The following SLC5A3 variants were observed in gnomAD, a reference collection of about 807,000 sequenced individuals.
SLC5A3 encodes the protein sodium/myo-inositol cotransporter.
A neutral mutation model predicts 43.2 loss-of-function variants in SLC5A3; 10 were observed. The observed-to-expected ratio is 0.23, with a 90% CI of 0.14 to 0.39. The LOEUF (loss-of-function observed/expected upper bound fraction) is 0.39. SLC5A3 is among the 10% of genes least tolerant of loss of function. The pLI, the probability that SLC5A3 is intolerant of heterozygous loss-of-function variation, is 1.00. For missense variants in SLC5A3, 608 were observed against 893.4 expected (o/e 0.68, Z 4.07); for synonymous variants, 349 against 322.0 (o/e 1.08, Z -0.90).
intron 1 of SLC5A3, among the ~76,000 whole-genome samples, chr21:34,078,918 T>A (rs1989395455): frequency 6.6e-6 from 1 of 152,254 alleles, no homozygotes. Context: ...AGGCAATATT[T>A]TTAAGACGTG....
In SLC5A3 at chr21:34,100,877, C is replaced by T. The variant is rs2148661308; in HGVS notation, c.*3522C>T. The T allele has an allele frequency of 3.0e-6, 3 of 1,000,128 alleles. No homozygotes were observed. Among genetic ancestry groups the T allele is most frequent in the Middle Eastern group, 1.0e-3 (2 of 1,916 alleles). The allele number at this position is 1,000,128 out of a possible 1,614,324, so 62.0% of individuals were successfully genotyped here. On this transcript the variant is annotated 3_prime_UTR_variant, in exon 2 of 2. Transcript: ENST00000381151. Reference sequence around the variant, plus strand: ...ACCAAATAAAGCGGCTTATTAGCTACTCAGTTACTTGCTACTCAAAGGTTA... The same window carrying T: ...ACCAAATAAAGCGGCTTATTAGCTATTCAGTTACTTGCTACTCAAAGGTTA...
chr21:34,080,438 T>A (rs1989433012), intron 1 of SLC5A3, among the ~76,000 whole-genome samples: 1 of 152,158 alleles, frequency 6.6e-6, no homozygotes, highest in South Asian at 2.1e-4. Flanking sequence ...TACCTTTTAT[T>A]TTCTTTGGTG....
At chr21:34,092,770 C>G (rs187909717) in intron 1 of SLC5A3, among the ~76,000 whole-genome samples, 7 of 152,176 alleles carry the variant, frequency 4.6e-5, no homozygotes, top group South Asian at 2.1e-4. Flanking sequence ...TATTTCCCCC[C>G]CAACGGCCAG....
Position 34,103,115 on chromosome 21 carries a change from A to G in SLC5A3, c.*5760A>G. 1.0e-6 allele frequency: 1 copy of G among 1,000,154 alleles called. No homozygotes were observed. The highest frequency in any genetic ancestry group is 1.2e-6 in the Non-Finnish European group (1 of 829,924). 62.0% of individuals were successfully genotyped at this position (1,000,154 alleles called of 1,614,324 possible). The stretch of plus-strand genomic sequence containing the variant: ...ATAATTGGAAACAGAAACGAGGCTT[A>G]TTGCTATTGCAGAAATCCCAAACTG... On this transcript the variant is annotated 3_prime_UTR_variant, in exon 2 of 2. Transcript: ENST00000381151.
chr21:34,102,199 A>T lies in SLC5A3; in HGVS notation c.*4844A>T, dbSNP rs1469246936. ...TCAGCTACTTTGACTCCTAGGAGAG[A>T]ATTTAGTTAAGGTTCAAAGTAATTA... On this transcript the variant is annotated 3_prime_UTR_variant, in exon 2 of 2. Coordinates refer to ENST00000381151, the MANE Select transcript of SLC5A3 (RefSeq NM_006933.7). 2.0e-6 allele frequency: 2 copies of T among 999,810 alleles called. No individual in the cohort carries two copies. Among genetic ancestry groups the T allele is most frequent in the Non-Finnish European group, 2.4e-6 (2 of 829,840 alleles). The allele number at this position is 999,810 out of a possible 1,614,324, so 61.9% of individuals were successfully genotyped here.
intron 1 of SLC5A3, among the ~76,000 whole-genome samples, chr21:34,079,839 C>A (rs1194451211): frequency 6.6e-6 from 1 of 151,948 alleles, no homozygotes; most frequent in Non-Finnish European, 1.5e-5. Flanking sequence ...TGGTTATGGC[C>A]TCCTGGGTAT....
intron 1 of SLC5A3, among the ~76,000 whole-genome samples, chr21:34,091,688 C>G (rs1978702093): frequency 6.6e-6 from 1 of 152,120 alleles, no homozygotes; most frequent in Non-Finnish European, 1.5e-5. Flanking sequence ...TAATTCTGTG[C>G]AAAACAATAA....
intron 1 of SLC5A3, among the ~76,000 whole-genome samples, chr21:34,087,266 C>T (rs1978435299): frequency 5.4e-3 from 1 of 184 alleles, no homozygotes; most frequent in African/African-American, 0.02. Context: ...GGCTCTTTTT[C>T]CCTTTAGCCT....
intron 1 of SLC5A3, among the ~76,000 whole-genome samples, chr21:34,090,473 G>C (rs1978628495): frequency 6.6e-6 from 1 of 152,210 alleles, no homozygotes; most frequent in Non-Finnish European, 1.5e-5. Context: ...GGAGCTAATA[G>C]TTGATGAGAC....
In SLC5A3 at chr21:34,100,646, C is replaced by G; in HGVS notation, c.*3291C>G. ...AGCTGGGACCCATCACTCTGTGAAA[C>G]TTCACATTTTAAGAACTGAGTTGAG... On this transcript the variant is annotated 3_prime_UTR_variant, in exon 2 of 2. Coordinates refer to ENST00000381151, the MANE Select transcript of SLC5A3 (RefSeq NM_006933.7). 1.0e-6 allele frequency: 1 copy of G among 1,000,202 alleles called. No individual in the cohort carries two copies. The highest frequency in any genetic ancestry group is 1.2e-6 in the Non-Finnish European group (1 of 829,982). 62.0% of individuals were successfully genotyped at this position (1,000,202 alleles called of 1,614,324 possible).
At chr21:34,090,066 C>G (rs570192214) in intron 1 of SLC5A3, among the ~76,000 whole-genome samples, 1 of 152,248 alleles carries the variant, frequency 6.6e-6, no homozygotes, top group African/African-American at 2.4e-5. Context: ...AGCATCATGT[C>G]AGTTCTCAAA....
chr21:34,079,215 G>A (rs1989402914), intron 1 of SLC5A3, among the ~76,000 whole-genome samples: 1 of 152,144 alleles, frequency 6.6e-6, no homozygotes, highest in Non-Finnish European at 1.5e-5. Flanking sequence ...ATACTTTATG[G>A]CACTTGAATT....
intron 1 of SLC5A3, among the ~76,000 whole-genome samples, chr21:34,088,388 GCCTAT>G: frequency 3.0e-3 from 3 of 998 alleles, no homozygotes; most frequent in African/African-American, 0.011. Flanking sequence ...TGTATGTGAA[GCCTAT>G]GCCTGGGACT....
Position 34,102,012 on chromosome 21 carries a change from G to C in SLC5A3, c.*4657G>C, listed in dbSNP as rs1249892618. ...AATTTGGAATTAGTTGGCATATAGA[G>C]GAACCCTTTTGTACTGGAACGTATG... On this transcript the variant is annotated 3_prime_UTR_variant, in exon 2 of 2. Transcript: ENST00000381151. 2.0e-6 allele frequency: 2 copies of C among 1,000,046 alleles called. No individual in the cohort carries two copies. The highest frequency in any genetic ancestry group is 2.4e-6 in the Non-Finnish European group (2 of 829,954). 61.9% of individuals were successfully genotyped at this position (1,000,046 alleles called of 1,614,324 possible).
At position 34,104,829 on chromosome 21, in the gene SLC5A3, C is replaced by T. The variant is rs1979405703; in HGVS notation, c.*7474C>T. 2.0e-6 allele frequency: 2 copies of T among 999,910 alleles called. No individual in the cohort carries two copies. Among genetic ancestry groups the T allele is most frequent in the Non-Finnish European group, 2.4e-6 (2 of 829,658 alleles). 61.9% of individuals were successfully genotyped at this position (999,910 alleles called of 1,614,324 possible). A position where few individuals can be genotyped will look rare whatever the true frequency, so the allele number is the denominator to read the frequency against. ...ACGTACTATGTGTTCTGTACCTTTA[C>T]ATGTTTTTAAATTTAAGATAGTTTG... is the stretch of plus-strand genomic sequence containing the variant. On this transcript the variant is annotated 3_prime_UTR_variant, in exon 2 of 2. Coordinates refer to ENST00000381151, the MANE Select transcript of SLC5A3 (RefSeq NM_006933.7).
Position 34,097,576 on chromosome 21 carries a change from C to G in SLC5A3, c.*221C>G. The G allele has an allele frequency of 7.7e-7, 1 of 1,297,406 alleles. No individual in the cohort carries two copies. Among genetic ancestry groups the G allele is most frequent in the South Asian group, 2.3e-5 (1 of 44,052 alleles). The allele number at this position is 1,297,406 out of a possible 1,614,324, so 80.4% of individuals were successfully genotyped here. A position where few individuals can be genotyped will look rare whatever the true frequency, so the allele number is the denominator to read the frequency against. ...GCCAAACCTAACAGACTGAATTGTGCAAATGTGGTTTTAAATTTTGCATAC... is the reference window on the plus strand; with the variant it reads ...GCCAAACCTAACAGACTGAATTGTGGAAATGTGGTTTTAAATTTTGCATAC... On this transcript the variant is annotated 3_prime_UTR_variant, in exon 2 of 2. Transcript: ENST00000381151.
intron 1 of SLC5A3, among the ~76,000 whole-genome samples, chr21:34,094,253 A>C (rs1416671431): frequency 6.6e-6 from 1 of 152,192 alleles, no homozygotes; most frequent in South Asian, 2.1e-4. Context: ...CACAAGATCT[A>C]GGTTACTGTA....
chr21:34,078,387 G>C (rs1602901574), intron 1 of SLC5A3, among the ~76,000 whole-genome samples: 1 of 152,118 alleles, frequency 6.6e-6, no homozygotes, highest in South Asian at 2.1e-4. Context: ...TACAGCTAAG[G>C]TACAAGGAAT....
At chr21:34,076,413 A>G (rs16991166) in intron 1 of SLC5A3, among the ~76,000 whole-genome samples, 1,835 of 152,304 alleles carry the variant, frequency 0.012, 41 homozygotes, top group South Asian at 0.082. Context: ...CCATTGAAAG[A>G]TTTCAGAGTG....
Sources: allele counts gnomAD v4.1 joint callset (sites outside exome capture counted in the v4.1 genomes callset), GRCh38; gene constraint gnomAD v4.1.1; transcripts MANE v1.5; gene names NCBI Gene and HGNC (gene_info 2026-07-23, HGNC 2026-07-21).